The following EXOC4 variants were observed in gnomAD, a reference collection of about 807,000 sequenced individuals.
EXOC4 encodes the protein SEC8-like 1.
In EXOC4, 71 loss-of-function variants were observed where a neutral mutation model predicts 107.2. The observed-to-expected ratio is 0.66, with a 90% CI of 0.55 to 0.81. The LOEUF is 0.81. EXOC4 is among the 30% of genes least tolerant of loss of function. The pLI is 0.00. For missense variants in EXOC4, 1,108 were observed against 1,189.6 expected (o/e 0.93, Z 1.01); for synonymous variants, 456 against 441.2 (o/e 1.03, Z -0.42).
chr7:134,009,252 A>C (rs1294800216), intron 17 of EXOC4, among the ~76,000 whole-genome samples: 1 of 152,004 alleles, frequency 6.6e-6, no homozygotes, highest in Non-Finnish European at 1.5e-5. Context: ...TTTTCACTTG[A>C]TTTTTTTGAT....
At chr7:134,026,459 T>C (rs571069655) in intron 17 of EXOC4, among the ~76,000 whole-genome samples, 3 of 150,542 alleles carry the variant, frequency 2.0e-5, no homozygotes, top group Admixed American at 6.7e-5. Flanking sequence ...AGTTGCTCAG[T>C]GTAATCTGGA....
intron 7 of EXOC4, among the ~76,000 whole-genome samples, chr7:133,427,505 G>A (rs558894261): frequency 6.6e-6 from 1 of 152,230 alleles, no homozygotes; most frequent in Admixed American, 6.5e-5. Flanking sequence ...GGTAGAGCAG[G>A]AATTTTAACC....
chr7:133,729,084 C>T (rs1281764746), intron 10 of EXOC4, among the ~76,000 whole-genome samples: 1 of 152,114 alleles, frequency 6.6e-6, no homozygotes, highest in Non-Finnish European at 1.5e-5. Flanking sequence ...ATCCATAGTT[C>T]TATTCTGTAG....
chr7:133,777,876 T>C (rs866593179), intron 10 of EXOC4, among the ~76,000 whole-genome samples: 1 of 152,214 alleles, frequency 6.6e-6, no homozygotes, highest in African/African-American at 2.4e-5. Context: ...TGAATGACTA[T>C]TATCATGAGT....
At chr7:133,684,953 G>GA (rs1327489385) in intron 10 of EXOC4, among the ~76,000 whole-genome samples, 1 of 152,060 alleles carries the variant, frequency 6.6e-6, no homozygotes, top group East Asian at 1.9e-4. Context: ...GGGTAGAATA[G>GA]AAAAAAATCC....
chr7:134,072,474 G>A, the EXOC4 span, among the ~76,000 whole-genome samples: 396 of 152,284 alleles, frequency 2.6e-3, no homozygotes, highest in East Asian at 0.027. Flanking sequence ...GCCTGCTTCA[G>A]GGGAAGGTCA....
chr7:133,301,844 A>G (rs1251128211), intron 3 of EXOC4, among the ~76,000 whole-genome samples: 6 of 152,178 alleles, frequency 3.9e-5, no homozygotes, highest in African/African-American at 1.4e-4. Flanking sequence ...AGAATGGCCA[A>G]GTTTAGTGTT....
chr7:133,726,781 A>G (rs1795223913), intron 10 of EXOC4, among the ~76,000 whole-genome samples: 1 of 152,174 alleles, frequency 6.6e-6, no homozygotes, highest in African/African-American at 2.4e-5. Context: ...ACTGACATGC[A>G]TCCCACTTTC....
chr7:133,548,830 G>A (rs142746073), intron 9 of EXOC4, among the ~76,000 whole-genome samples: 140 of 152,270 alleles, frequency 9.2e-4, no homozygotes, highest in African/African-American at 3.1e-3. Flanking sequence ...TAAGAAATGA[G>A]GCTGTTTTAC....
intron 10 of EXOC4, among the ~76,000 whole-genome samples, chr7:133,736,815 T>G (rs1795454035): frequency 6.6e-6 from 1 of 152,136 alleles, no homozygotes; most frequent in Non-Finnish European, 1.5e-5. Context: ...ATTATGTTTG[T>G]GTAATATCAC....
At chr7:134,002,644 A>G (rs755998731) in intron 15 of EXOC4, among the ~76,000 whole-genome samples, 1 of 152,204 alleles carries the variant, frequency 6.6e-6, no homozygotes, top group Non-Finnish European at 1.5e-5. Context: ...CCCAATTTTT[A>G]AAACTGGGCA....
At chr7:133,475,594 A>G in intron 8 of EXOC4, 121 bp downstream of exon 8, 1 of 863,094 alleles carries the variant, frequency 1.2e-6, no homozygotes, top group Admixed American at 2.7e-5. Context: ...ATTTAGAGGA[A>G]GTGAATATAT....
Position 133,638,285 on chromosome 7 carries a change from A to G in EXOC4, c.1514+8144A>G, listed in dbSNP as rs527629874. Among the ~76,000 whole-genome samples, 26 of 152,308 alleles carry G rather than the reference A, an allele frequency of 1.7e-4. No homozygotes were observed. The South Asian group carries it at 5.4e-3, about 32-fold the overall frequency. ...TTGGGAGATAATATTTTTCATGGAAATGCTTAACCAGAAGTTGAAGTTATG... is the reference window on the plus strand; with the variant it reads ...TTGGGAGATAATATTTTTCATGGAAGTGCTTAACCAGAAGTTGAAGTTATG... On this transcript the variant is annotated intron_variant, in intron 10 of 17. Coordinates refer to ENST00000253861, the MANE Select transcript of EXOC4 (RefSeq NM_021807.4).
At chr7:133,905,114 A>G (rs920345452) in intron 12 of EXOC4, among the ~76,000 whole-genome samples, 1 of 152,232 alleles carries the variant, frequency 6.6e-6, no homozygotes, top group South Asian at 2.1e-4. Context: ...ATTTTCTCCC[A>G]TGTGATCCTC....
chr7:134,004,878 T>A, intron 15 of EXOC4, 34 bp from the exon 16 acceptor site: 1 of 1,574,280 alleles, frequency 6.4e-7, no homozygotes, highest in South Asian at 1.1e-5. Flanking sequence ...AAGGATTTAT[T>A]ATTAACTGCT....
chr7:133,655,510 T>C (rs1437698851), intron 10 of EXOC4, among the ~76,000 whole-genome samples: 1 of 152,150 alleles, frequency 6.6e-6, no homozygotes, highest in Non-Finnish European at 1.5e-5. Flanking sequence ...TACAAAAATA[T>C]TTTCTTTTTT....
chr7:134,014,152 C>T (rs1585322253), intron 17 of EXOC4, among the ~76,000 whole-genome samples: 1 of 152,178 alleles, frequency 6.6e-6, no homozygotes. Flanking sequence ...GCCTGTAATC[C>T]CAGTACTTTG....
chr7:133,833,103 CT>C lies in EXOC4; in HGVS notation c.1734+15560del, dbSNP rs1205864274. ...ACACACCCCAAACCAACCTAACTTG[CT>C]GTAGACACACTGTTAAAGCTCTAGC... is the stretch of plus-strand genomic sequence containing the variant. On this transcript the variant is annotated intron_variant, in intron 11 of 17. Transcript: ENST00000253861. Among the ~76,000 whole-genome samples, 3 of 110,542 alleles carry C rather than the reference CT, an allele frequency of 2.7e-5. No individual in the cohort carries two copies. In the Admixed American group the frequency reaches 3.7e-4, roughly 14 times the overall value. The allele number at this position is 110,542 out of a possible 152,430, so 72.5% of individuals were successfully genotyped here.
chr7:133,679,982 A>G (rs186660058), intron 10 of EXOC4, among the ~76,000 whole-genome samples: 127 of 152,302 alleles, frequency 8.3e-4, no homozygotes, highest in Non-Finnish European at 1.3e-3. Context: ...AAAGTCCTTC[A>G]TGCTTTTAAT....
Sources: allele counts gnomAD v4.1 joint callset (sites outside exome capture counted in the v4.1 genomes callset), GRCh38; gene constraint gnomAD v4.1.1; transcripts MANE v1.5; gene names NCBI Gene and HGNC (gene_info 2026-07-23, HGNC 2026-07-21).